STAG1: variants seen among roughly 807,000 people sequenced by gnomAD.
STAG1 encodes the protein STAG1 cohesin complex component, also known as cohesin subunit SA-1.
In STAG1, 26 loss-of-function variants were observed where a neutral mutation model predicts 170.9. The observed-to-expected ratio is 0.15, with a 90% CI of 0.11 to 0.21. The LOEUF (loss-of-function observed/expected upper bound fraction) is 0.21, where lower values mean the gene tolerates loss of function less well. Among genes scored for constraint, STAG1 ranks in the 10% least tolerant of loss-of-function variants. The pLI, the probability that STAG1 is intolerant of heterozygous loss-of-function variation, is 1.00. For synonymous variants in STAG1, 514 were observed against 497.7 expected (o/e 1.03, Z -0.44); for missense variants, 964 against 1,509.5 (o/e 0.64, Z 5.99).
intron 25 of STAG1, among the ~76,000 whole-genome samples, chr3:136,364,379 G>A (rs1576392345): frequency 6.6e-6 from 1 of 152,174 alleles, no homozygotes. Context: ...CACTGTGCCT[G>A]GCCCCATTCT....
At chr3:136,524,782 T>A (rs1934903521) in intron 6 of STAG1, among the ~76,000 whole-genome samples, 1 of 152,186 alleles carries the variant, frequency 6.6e-6, no homozygotes. Flanking sequence ...CAATACCTAA[T>A]TTATTGAGAG....
chr3:136,530,103 A>C (rs1334812298), intron 6 of STAG1, among the ~76,000 whole-genome samples: 4 of 152,222 alleles, frequency 2.6e-5, no homozygotes, highest in African/African-American at 9.6e-5. Flanking sequence ...ATGATGAGTG[A>C]AACAAACTGT....
chr3:136,525,023 C>T (rs185715929), intron 6 of STAG1, among the ~76,000 whole-genome samples: 3 of 152,064 alleles, frequency 2.0e-5, no homozygotes, highest in Non-Finnish European at 2.9e-5. Flanking sequence ...ACTTTTGCAT[C>T]GATGTTCATC....
intron 1 of STAG1, among the ~76,000 whole-genome samples, chr3:136,669,227 AAC>A (rs990232524): frequency 2.0e-5 from 3 of 152,222 alleles, no homozygotes; most frequent in African/African-American, 4.8e-5. Flanking sequence ...GCCTGCTTCT[AAC>A]ACACAAAAAA....
chr3:136,741,847 T>C (rs1356756424), intron 1 of STAG1, among the ~76,000 whole-genome samples: 1 of 151,988 alleles, frequency 6.6e-6, no homozygotes, highest in South Asian at 2.1e-4. Context: ...TTTGGGTAAA[T>C]AGGTAGAAAA....
rs767401141 is a variant in STAG1, at chr3:136,418,360, CAAAAAAAAAAAAAAAAAAAAAAAAAA to C, written c.2109-414_2109-389del. Among the ~76,000 whole-genome samples the C allele has an allele frequency of 1.5e-3, 74 of 49,756 alleles. 1 individual carries two copies. Among genetic ancestry groups the C allele is most frequent in the South Asian group, 1.6e-3 (2 of 1,246 alleles). 32.6% of individuals were successfully genotyped at this position (49,756 alleles called of 152,430 possible). ...GGGTAACTGAGCAAGACTCTGTCTC[CAAAAAAAAAAAAAAAAAAAAAAAAAA>C]AAAAAAAAAAAAAAGGTTTTTTTCA... On this transcript the variant is annotated intron_variant, in intron 20 of 33. Transcript: ENST00000383202.
intron 22 of STAG1, among the ~76,000 whole-genome samples, chr3:136,386,414 G>A (rs928295345): frequency 2.6e-5 from 4 of 152,056 alleles, no homozygotes; most frequent in Non-Finnish European, 4.4e-5. Context: ...AATATGGAAG[G>A]CACAATTAAG....
At chr3:136,686,002 TCTC>T (rs1456566539) in intron 1 of STAG1, among the ~76,000 whole-genome samples, 1 of 152,178 alleles carries the variant, frequency 6.6e-6, no homozygotes, top group Non-Finnish European at 1.5e-5. Flanking sequence ...TAGTGAGAGT[TCTC>T]AAGTATTGGT....
intron 4 of STAG1, among the ~76,000 whole-genome samples, chr3:136,569,340 A>G (rs1302164879): frequency 6.6e-6 from 1 of 151,968 alleles, no homozygotes; most frequent in Non-Finnish European, 1.5e-5. Flanking sequence ...ACAAAGTGAA[A>G]AAGAAAAATA....
At chr3:136,744,583 T>C (rs1331892179) in intron 1 of STAG1, among the ~76,000 whole-genome samples, 1 of 152,150 alleles carries the variant, frequency 6.6e-6, no homozygotes, top group Non-Finnish European at 1.5e-5. Flanking sequence ...TACTTTGCAC[T>C]TTCCTTTTTA....
intron 13 of STAG1, among the ~76,000 whole-genome samples, chr3:136,459,248 A>G (rs1258286570): frequency 6.6e-6 from 1 of 151,926 alleles, no homozygotes; most frequent in African/African-American, 2.4e-5. Context: ...AAAAGAAAAG[A>G]AAAGAAAAAA....
intron 7 of STAG1, among the ~76,000 whole-genome samples, chr3:136,504,458 G>A (rs1433135181): frequency 6.6e-6 from 1 of 152,152 alleles, no homozygotes; most frequent in African/African-American, 2.4e-5. Context: ...CAAAATATAA[G>A]ACAGTGATTT....
intron 1 of STAG1, among the ~76,000 whole-genome samples, chr3:136,668,538 G>A (rs1182048556): frequency 1.3e-5 from 2 of 151,564 alleles, no homozygotes; most frequent in African/African-American, 4.9e-5. Context: ...AGAATGAAAG[G>A]AGAAAGCAAG....
chr3:136,649,185 G>C (rs1941130427), intron 1 of STAG1, among the ~76,000 whole-genome samples: 1 of 152,028 alleles, frequency 6.6e-6, no homozygotes, highest in African/African-American at 2.4e-5. Context: ...TAATTGAAAG[G>C]GTTGTTAATT....
intron 2 of STAG1, among the ~76,000 whole-genome samples, chr3:136,627,063 A>G (rs1422988322): frequency 6.6e-6 from 1 of 152,194 alleles, no homozygotes; most frequent in African/African-American, 2.4e-5. Flanking sequence ...AGTGAAACTA[A>G]CCTATTCTTC....
At chr3:136,630,790 A>G in intron 2 of STAG1, 80 bp downstream of exon 2, 1 of 989,738 alleles carries the variant, frequency 1.0e-6, no homozygotes. Flanking sequence ...TGTATCATCG[A>G]AGAGAGCATT....
At chr3:136,342,165 G>A (rs761761862) in intron 30 of STAG1, among the ~76,000 whole-genome samples, 5 of 150,338 alleles carry the variant, frequency 3.3e-5, no homozygotes, top group Non-Finnish European at 7.4e-5. Flanking sequence ...GACTACAGGC[G>A]TGCACCACCA....
chr3:136,346,667 C>T (rs1352010986), intron 29 of STAG1, among the ~76,000 whole-genome samples: 6 of 152,136 alleles, frequency 3.9e-5, no homozygotes, highest in Non-Finnish European at 8.8e-5. Context: ...TACACTTATA[C>T]GTCATTCGCT....
chr3:136,401,260 T>C (rs971483006), intron 21 of STAG1, among the ~76,000 whole-genome samples: 4 of 152,218 alleles, frequency 2.6e-5, no homozygotes, highest in African/African-American at 9.6e-5. Context: ...ATACATCAAG[T>C]ATTCAAACAA....
Sources: allele counts gnomAD v4.1 joint callset (sites outside exome capture counted in the v4.1 genomes callset), GRCh38; gene constraint gnomAD v4.1.1; transcripts MANE v1.5; gene names NCBI Gene and HGNC (gene_info 2026-07-23, HGNC 2026-07-21).